Variants in DSN1 observed in about 807,000 individuals in gnomAD.
DSN1 encodes kinetochore-associated protein DSN1 homolog.
In DSN1, 31 loss-of-function variants were observed where a neutral mutation model predicts 45.7. That is an observed-to-expected ratio of 0.68 (90% CI 0.51 to 0.92). The LOEUF (loss-of-function observed/expected upper bound fraction) is 0.92. Ranked by LOEUF, DSN1 falls within the 40% of genes least tolerant of loss-of-function variation. DSN1 has a pLI of 0.00. For missense variants in DSN1, 394 were observed against 414.2 expected, an observed-to-expected ratio of 0.95 and a Z score of 0.42; for synonymous variants, 134 against 142.3, an observed-to-expected ratio of 0.94 and a Z score of 0.41.
chr20:36,762,647 A>G (rs1987064137), intron 5 of DSN1, 99 bp from the exon 6 acceptor site: 6 of 1,066,152 alleles, frequency 5.6e-6, no homozygotes, highest in Non-Finnish European at 7.9e-6. Flanking sequence ...AGCTCTAGGT[A>G]CTGTTACATG....
chr20:36,762,667 A>C, intron 5 of DSN1, 119 bp from the exon 6 acceptor site: 1 of 739,934 alleles, frequency 1.4e-6, no homozygotes, highest in Non-Finnish European at 2.1e-6. Flanking sequence ...GTTGGTCCTC[A>C]AGCCCACCCA....
At chr20:36,772,604 G>T (rs1164939940) in intron 1 of DSN1, among the ~76,000 whole-genome samples, 1 of 152,184 alleles carries the variant, frequency 6.6e-6, no homozygotes, top group East Asian at 1.9e-4. Flanking sequence ...CTATTCTTCA[G>T]ACAGTTGCCG....
chr20:36,759,969 C>T (rs1047794316), intron 6 of DSN1, among the ~76,000 whole-genome samples: 1 of 151,774 alleles, frequency 6.6e-6, no homozygotes, highest in Non-Finnish European at 1.5e-5. Flanking sequence ...CTCAGCCAGG[C>T]GTGGTGGCTC....
intron 1 of DSN1, among the ~76,000 whole-genome samples, chr20:36,772,197 G>T (rs1377473829): frequency 6.6e-6 from 1 of 151,738 alleles, no homozygotes; most frequent in Non-Finnish European, 1.5e-5. Context: ...TACTAGTTTA[G>T]TTCAGGTCTC....
chr20:36,767,448 TGGTA>T (rs1987407166), intron 4 of DSN1, among the ~76,000 whole-genome samples: 1 of 152,150 alleles, frequency 6.6e-6, no homozygotes, highest in Non-Finnish European at 1.5e-5. Context: ...TGTAAGCACC[TGGTA>T]GCCACATAAT....
chr20:36,758,425 G>A (rs1373831451), intron 7 of DSN1, 133 bp downstream of exon 7: 3 of 764,586 alleles, frequency 3.9e-6, no homozygotes, highest in Non-Finnish European at 6.3e-6. Context: ...TCAATATGCA[G>A]CCTTCTAACT....
intron 3 of DSN1, among the ~76,000 whole-genome samples, chr20:36,769,002 AC>A (rs1356536531): frequency 2.0e-5 from 3 of 152,188 alleles, no homozygotes; most frequent in Non-Finnish European, 1.5e-5. Flanking sequence ...ATTTCATTAA[AC>A]CTTGAGGCAA....
chr20:36,770,867 C>A lies in DSN1; in HGVS notation c.355+6G>T. ...ACCTCACTGTCTTGTGTACACAGCA[C>A]CCCACCTGTGATGCCCTGGTGAATG... is the stretch of plus-strand genomic sequence containing the variant. On this transcript the variant is annotated splice_donor_region_variant and intron_variant, in intron 3 of 10. Coordinates refer to ENST00000373750, the MANE Select transcript of DSN1 (RefSeq NM_001145315.2). 3 of 1,604,058 alleles carry A rather than the reference C, an allele frequency of 1.9e-6. No homozygotes were observed. Among genetic ancestry groups the A allele is most frequent in the Non-Finnish European group, 2.5e-6 (3 of 1,176,840 alleles).
intron 6 of DSN1, among the ~76,000 whole-genome samples, chr20:36,761,557 C>A (rs1318041788): frequency 6.6e-6 from 1 of 151,922 alleles, no homozygotes; most frequent in East Asian, 1.9e-4. Flanking sequence ...CATAGGGAGA[C>A]CCCGCCTTTA....
At chr20:36,755,439 A>G (rs1398866177) in intron 9 of DSN1, among the ~76,000 whole-genome samples, 1 of 152,034 alleles carries the variant, frequency 6.6e-6, no homozygotes, top group Non-Finnish European at 1.5e-5. Context: ...TAACCTTGCT[A>G]TATAAAATAG....
intron 8 of DSN1, 81 bp from the exon 9 acceptor site, chr20:36,755,910 G>A (rs1376794458): frequency 6.7e-7 from 1 of 1,488,536 alleles, no homozygotes; most frequent in African/African-American, 1.4e-5. Context: ...CTATAAAGCT[G>A]AATCAGTATT....
At chr20:36,768,620 G>C (rs1987477726) in intron 3 of DSN1, among the ~76,000 whole-genome samples, 1 of 152,174 alleles carries the variant, frequency 6.6e-6, no homozygotes, top group Non-Finnish European at 1.5e-5. Context: ...CAAGTGATCT[G>C]CCTGCCTTGG....
At chr20:36,757,954 C>T in intron 8 of DSN1, 133 bp downstream of exon 8, 2 of 809,792 alleles carry the variant, frequency 2.5e-6, no homozygotes, top group Non-Finnish European at 4.0e-6. Context: ...TGCTAATACA[C>T]ACTACAGAAT....
chr20:36,753,786 C>A (rs937287435), intron 10 of DSN1, among the ~76,000 whole-genome samples: 3 of 151,778 alleles, frequency 2.0e-5, no homozygotes, highest in Non-Finnish European at 4.4e-5. Context: ...GCAGGTGGAT[C>A]ACCTGAAGTC....
chr20:36,758,229 A>C, intron 7 of DSN1, 68 bp from the exon 8 acceptor site: 1 of 1,404,192 alleles, frequency 7.1e-7, no homozygotes, highest in Non-Finnish European at 9.9e-7. Context: ...CACAGTAACA[A>C]TAAGTATGTG....
At chr20:36,766,204 A>G (rs1398596697) in intron 5 of DSN1, among the ~76,000 whole-genome samples, 4 of 151,494 alleles carry the variant, frequency 2.6e-5, no homozygotes, top group African/African-American at 4.8e-5. Flanking sequence ...CAAAAAAAAA[A>G]AAAAAAAAGA....
chr20:36,758,047 A>G (rs748780611), intron 8 of DSN1, 40 bp downstream of exon 8: 19 of 1,569,846 alleles, frequency 1.2e-5, no homozygotes, highest in Admixed American at 1.7e-5. Context: ...ATCAAACTCC[A>G]TAAGATTTTT....
At position 36,752,617 on chromosome 20, in the gene DSN1, C is replaced by A; in HGVS notation, c.*171G>T. The A allele has an allele frequency of 1.8e-6, 1 of 545,432 alleles. No individual in the cohort carries two copies. Among genetic ancestry groups the A allele is most frequent in the Non-Finnish European group, 3.3e-6 (1 of 306,192 alleles). 33.8% of individuals were successfully genotyped at this position (545,432 alleles called of 1,614,324 possible). A position where few individuals can be genotyped will look rare whatever the true frequency, so the allele number is the denominator to read the frequency against. ...CTGGGAAAATTGTCTATACAATATT[C>A]ATTTGGATGTACAAATTCCATCACT... On this transcript the variant is annotated 3_prime_UTR_variant, in exon 11 of 11. Transcript: ENST00000373750.
At chr20:36,754,956 T>C (rs1363667136) in intron 9 of DSN1, 106 bp from the exon 10 acceptor site, 7 of 903,280 alleles carry the variant, frequency 7.7e-6, no homozygotes, top group Non-Finnish European at 1.0e-5. Context: ...TTGCTGTTCT[T>C]TCAGCCTGGA....
Sources: allele counts gnomAD v4.1 joint callset (sites outside exome capture counted in the v4.1 genomes callset), GRCh38; gene constraint gnomAD v4.1.1; transcripts MANE v1.5; gene names NCBI Gene and HGNC (gene_info 2026-07-23, HGNC 2026-07-21).